Variants in PDE10A observed in about 807,000 individuals in gnomAD.
The protein encoded by PDE10A is cAMP and cAMP-inhibited cGMP 3',5'-cyclic phosphodiesterase 10A.
In PDE10A, 39 loss-of-function variants were observed where a neutral mutation model predicts 97.7. The observed-to-expected ratio is 0.40, with a 90% confidence interval of 0.31 to 0.52. The LOEUF (loss-of-function observed/expected upper bound fraction) is 0.52, where lower values mean the gene tolerates loss of function less well. Ranked by LOEUF, PDE10A falls within the 20% of genes least tolerant of loss-of-function variation. PDE10A has a pLI of 0.56. For missense variants in PDE10A, 731 were observed against 1,047.8 expected (o/e 0.70, Z 4.17); for synonymous variants, 371 against 376.8 (o/e 0.98, Z 0.18).
At position 165,662,665 on chromosome 6, in the gene PDE10A, C is replaced by T. The variant is rs1301866652; in HGVS notation, c.147G>A (p.Pro49=). Residue 49 remains proline, a synonymous_variant, in exon 1 of 22, where the codon CCG becomes CCA. Transcript: ENST00000539869. ...AGGGSAAGPG[P]APEWPGRGRA... is the part of the protein sequence containing the mutation. ...GGCCACGGCCAGGCCACTCGGGGGC[C>T]GGGCCCGGGCCCGCCGCGCTCCCCC... 6 of 140,726 alleles carry T rather than the reference C, an allele frequency of 4.3e-5. No individual in the cohort carries two copies. Among genetic ancestry groups the T allele is most frequent in the Admixed American group, 1.4e-4 (2 of 14,412 alleles). The allele number at this position is 140,726 out of a possible 1,614,324, so 8.7% of individuals were successfully genotyped here.
At chr6:165,583,606 G>C (rs1229814840) in intron 1 of PDE10A, among the ~76,000 whole-genome samples, 1 of 152,210 alleles carries the variant, frequency 6.6e-6, no homozygotes, top group African/African-American at 2.4e-5. Context: ...CACGATCATG[G>C]AATTCACTGT....
rs1477599718 is a variant in PDE10A at position 165,343,509 on chromosome 6, CACA to C, written c.2784-10_2784-8del. On this transcript the variant is annotated splice_region_variant and splice_polypyrimidine_tract_variant and intron_variant, in intron 18 of 21. Coordinates refer to ENST00000539869, the MANE Select transcript of PDE10A (RefSeq NM_001385079.1). ...CAAACCAATTACACGGTCTCTAGAA[CACA>C]ACAATATAAGACTGGTCAGCATAGC... 2.7e-5 allele frequency: 43 copies of C among 1,589,084 alleles called. No homozygotes were observed. Among genetic ancestry groups the C allele is most frequent in the Non-Finnish European group, 3.7e-5 (43 of 1,157,292 alleles).
intron 1 of PDE10A, among the ~76,000 whole-genome samples, chr6:165,917,404 A>G (rs935883798): frequency 6.6e-6 from 1 of 152,172 alleles, no homozygotes; most frequent in Admixed American, 6.5e-5. Flanking sequence ...ATGGGAGCTA[A>G]GCTGGACAAG....
At chr6:165,370,066 GCT>G (rs1409978456) in intron 18 of PDE10A, among the ~76,000 whole-genome samples, 5 of 152,154 alleles carry the variant, frequency 3.3e-5, no homozygotes, top group South Asian at 2.1e-4. Flanking sequence ...CCTTACAAGA[GCT>G]CCTGAAGGAA....
chr6:165,683,310 G>T (rs1791027037), intron 1 of PDE10A, among the ~76,000 whole-genome samples: 1 of 152,118 alleles, frequency 6.6e-6, no homozygotes, highest in Non-Finnish European at 1.5e-5. Flanking sequence ...CAGAGACATG[G>T]GCTTCCAGGA....
At chr6:165,734,872 T>C (rs1285116043) in intron 1 of PDE10A, among the ~76,000 whole-genome samples, 1 of 152,188 alleles carries the variant, frequency 6.6e-6, no homozygotes, top group East Asian at 1.9e-4. Context: ...TGGTAAAACA[T>C]AAAAGGTGTA....
At chr6:165,380,649 T>C (rs1784874585) in intron 17 of PDE10A, among the ~76,000 whole-genome samples, 1 of 152,188 alleles carries the variant, frequency 6.6e-6, no homozygotes, top group Admixed American at 6.5e-5. Context: ...AGTTCAGAGT[T>C]CCCACATGGA....
chr6:165,826,214 T>C (rs1336324594), intron 1 of PDE10A, among the ~76,000 whole-genome samples: 1 of 152,210 alleles, frequency 6.6e-6, no homozygotes, highest in Non-Finnish European at 1.5e-5. Flanking sequence ...CCCTGTAGAC[T>C]CCAGGTGACC....
intron 5 of PDE10A, among the ~76,000 whole-genome samples, chr6:165,448,727 C>A (rs1246925685): frequency 6.6e-6 from 1 of 151,980 alleles, no homozygotes; most frequent in Non-Finnish European, 1.5e-5. Context: ...CACACACACA[C>A]ACACACACAC....
At chr6:165,623,841 A>C (rs943882292) in intron 1 of PDE10A, among the ~76,000 whole-genome samples, 14 of 152,194 alleles carry the variant, frequency 9.2e-5, no homozygotes, top group African/African-American at 3.4e-4. Context: ...ATATTCTTTA[A>C]CACCTCTGAA....
At chr6:165,359,808 T>C (rs1212628519) in intron 18 of PDE10A, among the ~76,000 whole-genome samples, 1 of 152,126 alleles carries the variant, frequency 6.6e-6, no homozygotes, top group East Asian at 1.9e-4. Flanking sequence ...TCTTTTTTTT[T>C]CTGTTCTTTT....
At chr6:165,966,322 G>A (rs1014512491) in intron 1 of PDE10A, among the ~76,000 whole-genome samples, 8 of 152,158 alleles carry the variant, frequency 5.3e-5, no homozygotes, top group East Asian at 1.9e-4. Context: ...ATTCAGATTC[G>A]GAGGTGAGGC....
chr6:165,526,216 CCA>C (rs1782437392), intron 2 of PDE10A, among the ~76,000 whole-genome samples: 1 of 152,102 alleles, frequency 6.6e-6, no homozygotes, highest in Non-Finnish European at 1.5e-5. Flanking sequence ...GATGTTGATT[CCA>C]GGGGACTCAA....
intron 1 of PDE10A, among the ~76,000 whole-genome samples, chr6:165,980,027 C>T (rs1784965075): frequency 6.6e-6 from 1 of 152,214 alleles, no homozygotes; most frequent in Non-Finnish European, 1.5e-5. Context: ...TAATGCAACA[C>T]CGCCCATCCC....
intron 1 of PDE10A, among the ~76,000 whole-genome samples, chr6:165,809,394 C>G (rs1779220352): frequency 6.6e-6 from 1 of 152,216 alleles, no homozygotes; most frequent in Non-Finnish European, 1.5e-5. Context: ...AAGGCTCTTC[C>G]TTGCTGGGCT....
chr6:165,692,732 A>G (rs986738308), intron 1 of PDE10A, among the ~76,000 whole-genome samples: 9 of 152,238 alleles, frequency 5.9e-5, no homozygotes, highest in African/African-American at 1.9e-4. Flanking sequence ...GTGTAGGGAG[A>G]AAATGTGTAT....
At chr6:165,568,439 C>T (rs9356374) in intron 1 of PDE10A, among the ~76,000 whole-genome samples, 25,951 of 152,070 alleles carry the variant, frequency 0.17, 3,731 homozygotes, top group African/African-American at 0.38. Flanking sequence ...ACTCATAATT[C>T]TAAATTGTGC....
At chr6:165,625,158 A>C (rs1284600678) in intron 1 of PDE10A, among the ~76,000 whole-genome samples, 1 of 152,158 alleles carries the variant, frequency 6.6e-6, no homozygotes, top group Non-Finnish European at 1.5e-5. Context: ...TCTGGATTTG[A>C]CCCAGTCTGT....
At chr6:165,740,073 G>A (rs1411241134) in intron 1 of PDE10A, among the ~76,000 whole-genome samples, 1 of 152,102 alleles carries the variant, frequency 6.6e-6, no homozygotes, top group Non-Finnish European at 1.5e-5. Context: ...ACTAAAAATG[G>A]AATTACCATA....
Sources: gnomAD v4.1 joint callset for allele counts (sites outside exome capture counted in the v4.1 genomes callset) on GRCh38, gnomAD v4.1.1 for gene constraint, MANE v1.5 for transcripts, NCBI Gene and HGNC (gene_info 2026-07-23, HGNC 2026-07-21) for gene names.